IGFN1: variants seen among roughly 807,000 people sequenced by gnomAD.
IGFN1 encodes the protein immunoglobulin like and fibronectin type III domain containing 1.
In IGFN1, 253 loss-of-function variants were observed where a neutral mutation model predicts 289.5. The observed-to-expected ratio is 0.87, with a 90% CI of 0.79 to 0.97. The LOEUF (loss-of-function observed/expected upper bound fraction) is 0.97. Among genes scored for constraint, IGFN1 ranks in the 50% least tolerant of loss-of-function variants. IGFN1 has a pLI of 0.00. For synonymous variants in IGFN1, 1,706 were observed against 1,788.5 expected (o/e 0.95, Z 1.16); for missense variants, 4,470 against 4,686.1 (o/e 0.95, Z 1.35).
intron 18 of IGFN1, 38 bp downstream of exon 18, chr1:201,218,696 A>C: frequency 6.3e-7 from 1 of 1,581,384 alleles, no homozygotes; most frequent in Middle Eastern, 1.7e-4. Flanking sequence ...GGTGGAGGTG[A>C]GCATGGGATA....
chr1:201,195,675 G>A (rs143197772), intron 3 of IGFN1, among the ~76,000 whole-genome samples, 164 bp from the exon 4 acceptor site: 2 of 152,268 alleles, frequency 1.3e-5, no homozygotes, highest in Non-Finnish European at 2.9e-5. Flanking sequence ...TTCCACCTGC[G>A]TATTCTGAGT....
Position 201,208,287 on chromosome 1 carries a change from G to T in IGFN1, c.3394G>T (p.Ala1132Ser), listed in dbSNP as rs139658488. 1.9e-4 allele frequency: 293 copies of T among 1,530,564 alleles called. 2 individuals carry two copies. In the East Asian group the frequency reaches 6.6e-3, roughly 35 times the overall value. 94.8% of individuals were successfully genotyped at this position (1,530,564 alleles called of 1,614,324 possible). The part of the protein sequence containing the change: ...GNYGGFRASE[A>S]LGAFGEGGYE... ...TTATGGGGGCTTCAGAGCCTCAGAG[G>T]CCCTGGGGGCCTTTGGAGAAGGAGG... Residue 1132 changes from alanine (A) to serine (S), a missense_variant, in exon 12 of 24, where the codon GCC (alanine) becomes TCC (serine). By Grantham distance (99) the Ala-to-Ser change is moderately conservative. Around this residue, in one of 8 missense-constraint regions of IGFN1, gnomAD observed 2,011 missense variants for 1,953.4 expected, o/e 1.03. Transcript: ENST00000335211.
rs1285742266 is a variant in IGFN1, at chr1:201,206,226, C to A, written c.1333C>A (p.Leu445Ile). 13 of 1,547,814 alleles carry A rather than the reference C, an allele frequency of 8.4e-6. No individual in the cohort carries two copies. The highest frequency in any genetic ancestry group is 1.0e-5 in the Non-Finnish European group (12 of 1,145,998). ...AGAGCAGGGCCCCAGGGGGGGCTCC[C>A]TTGAAGGGGCTGGGCCGGCTTCTGG... ...SREQGPRGGS[L>I]EGAGPASGLQ... Residue 445 changes from leucine to isoleucine, a missense_variant, in exon 12 of 24, where the codon CTT becomes ATT. Coordinates refer to ENST00000335211, the MANE Select transcript of IGFN1 (RefSeq NM_001164586.2).
chr1:201,215,658 T>C lies in IGFN1; in HGVS notation c.9115T>C (p.Trp3039Arg), dbSNP rs137897080. 57 of 1,613,958 alleles carry C rather than the reference T, an allele frequency of 3.5e-5. No homozygotes were observed. In the African/African-American group the frequency reaches 7.1e-4, roughly 20 times the overall value. The change falls in exon 15 of 24, where the codon TGG (tryptophan) becomes CGG (arginine). Residue 3039 changes from tryptophan (W) to arginine (R), a missense_variant. Transcript: ENST00000335211. ...GAGCCACCTCCCCATTCAGGCTGCC[T>C]GGAGGAAGGACGGGGCTGAGGTGGT... is the stretch of plus-strand genomic sequence containing the variant. ...FQSHLPIQAA[W>R]RKDGAEVVGS...
chr1:201,206,253 C>T lies in IGFN1; in HGVS notation c.1360C>T (p.Leu454Phe). The T allele has an allele frequency of 1.3e-6, 2 of 1,547,748 alleles. No homozygotes were observed. The highest frequency in any genetic ancestry group is 1.7e-6 in the Non-Finnish European group (2 of 1,145,600). The change falls in exon 12 of 24, where the codon CTC becomes TTC. Residue 454 changes from leucine (L) to phenylalanine (F), a missense_variant. Physicochemically the swap from Leu to Phe is conservative, Grantham distance 22. Around this residue, in one of 8 missense-constraint regions of IGFN1, gnomAD observed 2,011 missense variants for 1,953.4 expected, o/e 1.03. Coordinates refer to ENST00000335211, the MANE Select transcript of IGFN1 (RefSeq NM_001164586.2). ...SLEGAGPASG[L>F]QHIASPDRDG... Reference sequence around the variant, plus strand: ...TGAAGGGGCTGGGCCGGCTTCTGGGCTCCAGCACATAGCCAGCCCAGACAG... The same window carrying T: ...TGAAGGGGCTGGGCCGGCTTCTGGGTTCCAGCACATAGCCAGCCCAGACAG...
In IGFN1 at chr1:201,211,999, G is replaced by T. The variant is rs1480031258; in HGVS notation, c.7106G>T (p.Gly2369Val). 1 of 1,536,046 alleles carries T rather than the reference G, an allele frequency of 6.5e-7. No individual in the cohort carries two copies. The highest frequency in any genetic ancestry group is 8.7e-7 in the Non-Finnish European group (1 of 1,146,528). Residue 2369 changes from glycine to valine, a missense_variant, in exon 12 of 24, where the codon GGC becomes GTC. Coordinates refer to ENST00000335211, the MANE Select transcript of IGFN1 (RefSeq NM_001164586.2). ...GDGSGRLGVP[G>V]SLAGIGHEAG... ...GGTTCAGGGAGGCTTGGAGTACCAG[G>T]CTCACTGGCTGGAATAGGACATGAG... is the stretch of plus-strand genomic sequence containing the variant.
chr1:201,192,481 G>A (rs976313191), intron 1 of IGFN1, among the ~76,000 whole-genome samples: 2 of 151,992 alleles, frequency 1.3e-5, no homozygotes, highest in African/African-American at 4.8e-5. Flanking sequence ...ACAGATGGAT[G>A]CAATTAAGAG....
rs370173916 is a variant in IGFN1 at position 201,199,748 on chromosome 1, C to G, written c.458+94C>G. 3.3e-5 allele frequency: 35 copies of G among 1,062,606 alleles called. No homozygotes were observed. The African/African-American group carries it at 3.3e-4, about 10-fold the overall frequency. The allele number at this position is 1,062,606 out of a possible 1,614,324, so 65.8% of individuals were successfully genotyped here. A position where few individuals can be genotyped will look rare whatever the true frequency, so the allele number is the denominator to read the frequency against. ...AGTAAGCTGGGCTTGAGCCCCACCT[C>G]TACCCAACACAGCAGGGAGCTAGAC... is the stretch of plus-strand genomic sequence containing the variant. On this transcript the variant is annotated intron_variant, in intron 7 of 23. Coordinates refer to ENST00000335211, the MANE Select transcript of IGFN1 (RefSeq NM_001164586.2).
intron 5 of IGFN1, among the ~76,000 whole-genome samples, chr1:201,197,838 T>G (rs998086682): frequency 1.3e-5 from 2 of 152,232 alleles, no homozygotes; most frequent in Non-Finnish European, 2.9e-5. Context: ...CGCCATTGGT[T>G]ATGCTTACAA....
Position 201,211,582 on chromosome 1 carries a change from C to T in IGFN1, c.6689C>T (p.Ala2230Val), listed in dbSNP as rs756210052. 8 of 1,534,004 alleles carry T rather than the reference C, an allele frequency of 5.2e-6. No homozygotes were observed. In the Admixed American group the frequency reaches 5.9e-5, roughly 11 times the overall value. The change falls in exon 12 of 24, where the codon GCA becomes GTA. Residue 2230 changes from alanine to valine, a missense_variant. Physicochemically the swap from Ala to Val is moderately conservative, Grantham distance 64 (BLOSUM62 0). Around this residue, in one of 8 missense-constraint regions of IGFN1, gnomAD observed 2,218 missense variants for 2,114.1 expected, o/e 1.05. Coordinates refer to ENST00000335211, the MANE Select transcript of IGFN1 (RefSeq NM_001164586.2). Reference sequence around the variant, plus strand: ...AAGGGAATGGGTTCAGGGAGTAAGGCAGGTTTCAGGGATGGTTTAGGGAGT... The same window carrying T: ...AAGGGAATGGGTTCAGGGAGTAAGGTAGGTTTCAGGGATGGTTTAGGGAGT... ...APKGMGSGSK[A>V]GFRDGLGSSG...
Position 201,212,934 on chromosome 1 carries a change from G to A in IGFN1, c.8041G>A (p.Glu2681Lys). ...GGGTGGGGAGGGTGCACCAGGCCAA[G>A]AGGCGGCTGGTGGATGCCGAAGCCC... ...FKGGEGAPGQ[E>K]AAGGCRSPWS... is the part of the protein sequence containing the mutation. Residue 2681 changes from glutamate to lysine, a missense_variant, in exon 12 of 24, where the codon GAG becomes AAG. Coordinates refer to ENST00000335211, the MANE Select transcript of IGFN1 (RefSeq NM_001164586.2). The A allele has an allele frequency of 1.3e-6, 2 of 1,551,514 alleles. No homozygotes were observed. Among genetic ancestry groups the A allele is most frequent in the Non-Finnish European group, 1.7e-6 (2 of 1,146,958 alleles).
In IGFN1 at chr1:201,213,396, G is replaced by A; in HGVS notation, c.8503G>A (p.Ala2835Thr). ...GGTTGGAGGAGGAAAGAGAAGGGGA[G>A]CAGACGAGGCTGGAAGCATGGGGTG... The part of the protein sequence containing the change: ...AEVGGGKRRG[A>T]DEAGSMGWQP... Residue 2835 changes from alanine to threonine, a missense_variant, in exon 12 of 24, where the codon GCA (alanine) becomes ACA (threonine). Ala to Thr is a moderately conservative substitution (Grantham distance 58). This residue lies in a region of IGFN1 where 2,218 missense variants were observed against 2,114.1 expected (regional missense o/e 1.05). Coordinates refer to ENST00000335211, the MANE Select transcript of IGFN1 (RefSeq NM_001164586.2). 1 of 1,613,820 alleles carries A rather than the reference G, an allele frequency of 6.2e-7. No homozygotes were observed. Among genetic ancestry groups the A allele is most frequent in the Non-Finnish European group, 8.5e-7 (1 of 1,179,794 alleles).
chr1:201,197,094 T>G, intron 4 of IGFN1, 124 bp from the exon 5 acceptor site: 1 of 598,208 alleles, frequency 1.7e-6, no homozygotes, highest in Non-Finnish European at 3.1e-6. Flanking sequence ...TGATAAAGAC[T>G]GTGAGCTCCA....
chr1:201,213,868 A>G (rs1257767429), intron 12 of IGFN1, among the ~76,000 whole-genome samples: 6 of 152,156 alleles, frequency 3.9e-5, no homozygotes, highest in East Asian at 1.9e-4. Context: ...CCTTATGTCC[A>G]CAGCACCAGA....
In IGFN1 at chr1:201,209,416, G is replaced by A; in HGVS notation, c.4523G>A (p.Gly1508Glu). The change falls in exon 12 of 24, where the codon GGG becomes GAG. Residue 1508 changes from glycine to glutamate, a missense_variant. Physicochemically the swap from Gly to Glu is moderately conservative, Grantham distance 98. Transcript: ENST00000335211. The stretch of plus-strand genomic sequence containing the variant: ...GGGGTTTCTGAGGGAGGGGGTTCAG[G>A]GAGCAAAGCAGGTTATAGGGGTGGC... ...DLGVSEGGGS[G>E]SKAGYRGGLG... 6.5e-7 allele frequency: 1 copy of A among 1,529,146 alleles called. No individual in the cohort carries two copies. The highest frequency in any genetic ancestry group is 8.7e-7 in the Non-Finnish European group (1 of 1,142,928). The allele number at this position is 1,529,146 out of a possible 1,614,324, so 94.7% of individuals were successfully genotyped here. A position where few individuals can be genotyped will look rare whatever the true frequency, so the allele number is the denominator to read the frequency against.
In IGFN1 at chr1:201,227,171, G is replaced by C; in HGVS notation, c.11076G>C (p.Leu3692=). The change falls in exon 23 of 24, where the codon CTG becomes CTC. Residue 3692 remains leucine (L), a synonymous_variant. Coordinates refer to ENST00000335211, the MANE Select transcript of IGFN1 (RefSeq NM_001164586.2). The part of the protein sequence containing the change: ...GEYKAVAENT[L]GQAVSTATLI... Reference sequence around the variant, plus strand: ...ACAAGGCTGTGGCTGAGAACACGCTGGGCCAGGCAGTCAGCACTGCCACCC... The same window carrying C: ...ACAAGGCTGTGGCTGAGAACACGCTCGGCCAGGCAGTCAGCACTGCCACCC... 6.2e-7 allele frequency: 1 copy of C among 1,608,998 alleles called. No homozygotes were observed. Among genetic ancestry groups the C allele is most frequent in the East Asian group, 2.2e-5 (1 of 44,568 alleles).
intron 17 of IGFN1, 40 bp from the exon 18 acceptor site, chr1:201,218,490 C>A: frequency 6.3e-7 from 1 of 1,594,824 alleles, no homozygotes; most frequent in South Asian, 1.1e-5. Flanking sequence ...CCATGTCCAG[C>A]ACCATCAGGG....
Position 201,212,490 on chromosome 1 carries a change from G to A in IGFN1, c.7597G>A (p.Ala2533Thr). 1 of 1,541,870 alleles carries A rather than the reference G, an allele frequency of 6.5e-7. No individual in the cohort carries two copies. The highest frequency in any genetic ancestry group is 8.7e-7 in the Non-Finnish European group (1 of 1,146,838). The change falls in exon 12 of 24, where the codon GCA (alanine) becomes ACA (threonine). Residue 2533 changes from alanine (A) to threonine (T), a missense_variant. Around this residue, in one of 8 missense-constraint regions of IGFN1, gnomAD observed 2,218 missense variants for 2,114.1 expected, o/e 1.05. Coordinates refer to ENST00000335211, the MANE Select transcript of IGFN1 (RefSeq NM_001164586.2). ...TTCTGGGTTTCTTGATGGCAAGGGG[G>A]CAGTGGAAGGTGAGACCTGGGCAGG... ...GASGFLDGKG[A>T]VEGETWAGMA...
chr1:201,199,502 G>A, intron 6 of IGFN1, 107 bp from the exon 7 acceptor site: 1 of 1,409,396 alleles, frequency 7.1e-7, no homozygotes, highest in Non-Finnish European at 9.8e-7. Flanking sequence ...CTTCAAGAGA[G>A]CCCCTTCCAA....
Sources: allele counts gnomAD v4.1 joint callset (sites outside exome capture counted in the v4.1 genomes callset), GRCh38; gene constraint gnomAD v4.1.1; regional missense constraint gnomAD v4.1.1; transcripts MANE v1.5; gene names NCBI Gene and HGNC (gene_info 2026-07-23, HGNC 2026-07-21).